Variants in NUMB observed in about 807,000 individuals in gnomAD.
NUMB encodes protein numb homolog.
A neutral mutation model predicts 59.7 loss-of-function variants in NUMB; 29 were observed. The observed-to-expected ratio is 0.49, with a 90% confidence interval of 0.36 to 0.66. The LOEUF (loss-of-function observed/expected upper bound fraction) is 0.66, where lower values mean the gene tolerates loss of function less well. Among genes scored for constraint, NUMB ranks in the 30% least tolerant of loss-of-function variants. NUMB has a pLI of 0.00. For missense variants in NUMB, 723 were observed against 822.0 expected (o/e 0.88, Z 1.47); for synonymous variants, 288 against 288.2 (o/e 1.00, Z 0.01).
At chr14:73,383,897 T>C (rs1403027170) in intron 2 of NUMB, among the ~76,000 whole-genome samples, 1 of 151,822 alleles carries the variant, frequency 6.6e-6, no homozygotes, top group Non-Finnish European at 1.5e-5. Flanking sequence ...GCGCCTATAG[T>C]CCCAGCTACT....
intron 4 of NUMB, among the ~76,000 whole-genome samples, chr14:73,324,261 T>C (rs1430356550): frequency 6.6e-6 from 1 of 152,144 alleles, no homozygotes; most frequent in Non-Finnish European, 1.5e-5. Flanking sequence ...CACCGTGCAT[T>C]TCCTCCCCTC....
At chr14:73,320,586 TAAAC>T (rs1007040923) in intron 5 of NUMB, among the ~76,000 whole-genome samples, 28 of 152,254 alleles carry the variant, frequency 1.8e-4, no homozygotes, top group African/African-American at 3.4e-4. Context: ...TCTTTAGAAA[TAAAC>T]AAAACAGTTT....
intron 2 of NUMB, among the ~76,000 whole-genome samples, chr14:73,379,572 C>T (rs939645664): frequency 1.3e-5 from 2 of 152,074 alleles, no homozygotes; most frequent in Admixed American, 6.5e-5. Context: ...AGAAAGGAGG[C>T]GGCTCTTCTA....
intron 4 of NUMB, among the ~76,000 whole-genome samples, chr14:73,351,803 C>T (rs943075464): frequency 2.0e-5 from 3 of 151,626 alleles, no homozygotes; most frequent in South Asian, 2.1e-4. Context: ...GGTGAAACCC[C>T]GTCTCTACTA....
intron 2 of NUMB, among the ~76,000 whole-genome samples, chr14:73,377,966 T>G (rs893110927): frequency 1.4e-5 from 2 of 147,410 alleles, no homozygotes; most frequent in Non-Finnish European, 3.0e-5. Context: ...TACACACACA[T>G]GCATACATAT....
intron 2 of NUMB, among the ~76,000 whole-genome samples, chr14:73,381,020 A>G (rs12879648): frequency 0.81 from 123,174 of 152,156 alleles, 50,568 homozygotes; most frequent in African/African-American, 0.95. Flanking sequence ...ACTGCACCCG[A>G]CCTCAATTAG....
At chr14:73,373,586 T>TAA (rs1393178721) in intron 2 of NUMB, among the ~76,000 whole-genome samples, 1 of 151,976 alleles carries the variant, frequency 6.6e-6, no homozygotes, top group Admixed American at 6.6e-5. Context: ...TATAAAACCT[T>TAA]AAAGCTGTAG....
chr14:73,344,706 A>T (rs139157285), intron 4 of NUMB, among the ~76,000 whole-genome samples: 2 of 152,216 alleles, frequency 1.3e-5, no homozygotes, highest in African/African-American at 4.8e-5. Flanking sequence ...ACCAAATAAC[A>T]TAAGTATGAA....
chr14:73,443,735 C>A (rs957233750), intron 1 of NUMB, among the ~76,000 whole-genome samples: 6 of 152,072 alleles, frequency 3.9e-5, no homozygotes, highest in Non-Finnish European at 8.8e-5. Context: ...ACTGCAACCA[C>A]TACCTACCGG....
intron 2 of NUMB, among the ~76,000 whole-genome samples, chr14:73,391,063 A>G (rs2140098712): frequency 6.6e-6 from 1 of 151,616 alleles, no homozygotes; most frequent in East Asian, 1.9e-4. Context: ...TAGAGGTTGA[A>G]TATATATTCA....
intron 2 of NUMB, among the ~76,000 whole-genome samples, chr14:73,397,611 G>C (rs1328476862): frequency 1.3e-5 from 2 of 152,046 alleles, no homozygotes; most frequent in Non-Finnish European, 2.9e-5. Flanking sequence ...AGTTATCTTT[G>C]GGTAAAAGAA....
Position 73,404,670 on chromosome 14 carries a change from G to A in NUMB, c.-101+5267C>T, listed in dbSNP as rs1230544209. ...AAGTTGGTGTTAATGTTAATTTCCTGGTTTTGGTATTGTACTACAGCTATG... is the reference window on the plus strand; with the variant it reads ...AAGTTGGTGTTAATGTTAATTTCCTAGTTTTGGTATTGTACTACAGCTATG... On this transcript the variant is annotated intron_variant, in intron 2 of 12. Coordinates refer to ENST00000555238, the MANE Select transcript of NUMB (RefSeq NM_001005743.2). Among the ~76,000 whole-genome samples the A allele has an allele frequency of 2.0e-5, 3 of 152,202 alleles. No homozygotes were observed. In the East Asian group the frequency reaches 5.8e-4, roughly 29 times the overall value.
chr14:73,382,472 CT>C (rs1459636140), intron 2 of NUMB, among the ~76,000 whole-genome samples: 1 of 150,576 alleles, frequency 6.6e-6, no homozygotes, highest in East Asian at 1.9e-4. Flanking sequence ...GTAAGCAGAA[CT>C]TTAGGTAGTC....
In NUMB at chr14:73,372,323, A is replaced by ATATATATATAACCTTT. The variant is rs1566766493; in HGVS notation, c.-100-5343_-100-5342insAAAGGTTATATATATA. On this transcript the variant is annotated intron_variant, in intron 2 of 12. Transcript: ENST00000555238. ...ATTTCTTTTATATATATATATATAT[A>ATATATATATAACCTTT]TATATATATATATAACCTTTTATAT... Among the ~76,000 whole-genome samples the ATATATATATAACCTTT allele has an allele frequency of 1.1e-4, 12 of 109,378 alleles. 1 individual carries two copies. The highest frequency in any genetic ancestry group is 3.9e-4 in the African/African-American group (12 of 30,544). The allele number at this position is 109,378 out of a possible 152,430, so 71.8% of individuals were successfully genotyped here. A position where few individuals can be genotyped will look rare whatever the true frequency, so the allele number is the denominator to read the frequency against.
intron 11 of NUMB, 157 bp downstream of exon 11, chr14:73,282,202 C>T (rs925447255): frequency 3.2e-6 from 2 of 615,790 alleles, no homozygotes; most frequent in African/African-American, 1.9e-5. Flanking sequence ...AAGACATCGT[C>T]GAATGGAGAA....
chr14:73,308,450 T>C (rs1291684489), intron 6 of NUMB, among the ~76,000 whole-genome samples: 2 of 152,158 alleles, frequency 1.3e-5, no homozygotes, highest in Non-Finnish European at 2.9e-5. Context: ...AATGATGATA[T>C]TGACACCTAT....
At chr14:73,342,523 G>C (rs1034485286) in intron 4 of NUMB, among the ~76,000 whole-genome samples, 3 of 152,176 alleles carry the variant, frequency 2.0e-5, no homozygotes, top group Non-Finnish European at 4.4e-5. Flanking sequence ...TACTAGAACA[G>C]GTTGGTGTGG....
intron 4 of NUMB, among the ~76,000 whole-genome samples, chr14:73,344,544 T>C (rs1464849041): frequency 1.3e-5 from 2 of 152,248 alleles, no homozygotes; most frequent in Non-Finnish European, 2.9e-5. Flanking sequence ...CATGCATTTC[T>C]AGCATCCATA....
chr14:73,345,919 C>CA (rs990875952), intron 4 of NUMB, among the ~76,000 whole-genome samples: 23 of 151,402 alleles, frequency 1.5e-4, no homozygotes, highest in African/African-American at 2.9e-4. Context: ...AAAAAAAAAC[C>CA]AAAAAAACAA....
Sources: gnomAD v4.1 joint callset for allele counts (sites outside exome capture counted in the v4.1 genomes callset) on GRCh38, gnomAD v4.1.1 for gene constraint, MANE v1.5 for transcripts, NCBI Gene and HGNC (gene_info 2026-07-23, HGNC 2026-07-21) for gene names.